Variants in ENOX2 observed in about 807,000 individuals in gnomAD.
The protein encoded by ENOX2 is ecto-NOX disulfide-thiol exchanger 2.
A neutral mutation model predicts 45.0 loss-of-function variants in ENOX2; 36 were observed. That is an observed-to-expected ratio of 0.80 (90% CI 0.61 to 1.06). The LOEUF is 1.06. Ranked by LOEUF, ENOX2 falls within the 50% of genes least tolerant of loss-of-function variation. The probability of loss-of-function intolerance (pLI) is 0.00; values close to 1 mark genes in which losing one functional copy is unlikely to be tolerated. For synonymous variants in ENOX2, 174 were observed against 152.3 expected (o/e 1.14, Z -1.05); for missense variants, 423 against 462.5 (o/e 0.91, Z 0.78).
chrX:130,638,201 C>T (rs746444117), intron 10 of ENOX2, among the ~76,000 whole-genome samples: 53 of 108,628 alleles, frequency 4.9e-4, no homozygotes, highest in African/African-American at 1.3e-3. Context: ...CCTGAGTAGC[C>T]GGGACTACAG....
In ENOX2 at chrX:130,903,145, C is replaced by G. The variant is rs1455072898; in HGVS notation, c.-327G>C. 8.9e-6 allele frequency: 1 copy of G among 112,850 alleles called. No homozygotes were observed. The highest frequency in any genetic ancestry group is 3.2e-5 in the African/African-American group (1 of 30,941). The allele number at this position is 112,850 out of a possible 1,213,427, so 9.3% of individuals were successfully genotyped here. Reference sequence around the variant, plus strand: ...TGGGCTCGTAGTGCCCTCGCGGCGCCCCACGCCGCGCCACTCTCTTCCGAA... The same window carrying G: ...TGGGCTCGTAGTGCCCTCGCGGCGCGCCACGCCGCGCCACTCTCTTCCGAA... On this transcript the variant is annotated 5_prime_UTR_variant, in exon 1 of 15. Transcript: ENST00000394363.
At chrX:130,762,696 T>C (rs991283821) in intron 3 of ENOX2, among the ~76,000 whole-genome samples, 1 of 112,458 alleles carries the variant, frequency 8.9e-6, no homozygotes, top group Non-Finnish European at 1.9e-5. Flanking sequence ...ATTCTCGTTT[T>C]ATTCCATTGT....
chrX:130,647,104 G>A (rs975657798), intron 10 of ENOX2, among the ~76,000 whole-genome samples: 1 of 112,027 alleles, frequency 8.9e-6, no homozygotes, highest in African/African-American at 3.3e-5. Context: ...ATACCCTATG[G>A]AGAGCACTGT....
At chrX:130,637,466 T>C (rs1273974165) in intron 10 of ENOX2, 56 bp from the exon 11 acceptor site, 2 of 1,048,603 alleles carry the variant, frequency 1.9e-6, no homozygotes, top group Non-Finnish European at 2.6e-6. Context: ...GTGATTCATC[T>C]GGATATCACA....
chrX:130,861,580 A>T (rs1434479070), intron 2 of ENOX2, among the ~76,000 whole-genome samples: 1 of 111,846 alleles, frequency 8.9e-6, no homozygotes, highest in Non-Finnish European at 1.9e-5. Context: ...AAGTAGTCAA[A>T]CTCATAGAAG....
chrX:130,760,548 G>C (rs964873210), intron 3 of ENOX2, among the ~76,000 whole-genome samples: 3 of 109,535 alleles, frequency 2.7e-5, no homozygotes, highest in Non-Finnish European at 5.7e-5. Flanking sequence ...AGCACTTTAG[G>C]AGGCTGAGGC....
intron 8 of ENOX2, among the ~76,000 whole-genome samples, chrX:130,666,330 T>G (rs941474282): frequency 8.9e-6 from 1 of 111,974 alleles, no homozygotes; most frequent in African/African-American, 3.2e-5. Flanking sequence ...TGGAAAAATA[T>G]AAGTTTTAGG....
intron 2 of ENOX2, among the ~76,000 whole-genome samples, chrX:130,813,261 G>T (rs1006950682): frequency 8.9e-6 from 1 of 111,893 alleles, no homozygotes; most frequent in Non-Finnish European, 1.9e-5. Context: ...TTCAACAAAC[G>T]TGCCAAGAAC....
rs369189919 is a variant in ENOX2, at chrX:130,769,856, G to A, written c.-39+13691C>T. On this transcript the variant is annotated intron_variant, in intron 3 of 14. Coordinates refer to ENST00000394363, the MANE Select transcript of ENOX2 (RefSeq NM_006375.4). ...GTCCTGAGAGCATTTTTAAAAATGC[G>A]ATTAGCAAACTTTTTATTTCTTAGA... is the stretch of plus-strand genomic sequence containing the variant. Among the ~76,000 whole-genome samples, 155 of 112,267 alleles carry A rather than the reference G, an allele frequency of 1.4e-3. 5 individuals carry two copies. The South Asian group carries it at 0.055, about 40-fold the overall frequency.
intron 2 of ENOX2, among the ~76,000 whole-genome samples, chrX:130,816,616 A>T (rs923308466): frequency 2.7e-5 from 3 of 112,155 alleles, no homozygotes; most frequent in Admixed American, 1.9e-4. Context: ...AAACTCACAC[A>T]AAACCGCACA....
At chrX:130,784,077 T>C (rs2076930933) in intron 2 of ENOX2, among the ~76,000 whole-genome samples, 1 of 111,889 alleles carries the variant, frequency 8.9e-6, no homozygotes, top group Admixed American at 9.5e-5. Context: ...ACAAGGTATG[T>C]TGATCTCATG....
At chrX:130,677,021 C>T (rs1190332215) in intron 6 of ENOX2, among the ~76,000 whole-genome samples, 2 of 111,801 alleles carry the variant, frequency 1.8e-5, no homozygotes, top group African/African-American at 6.5e-5. Context: ...GTAAACAAAC[C>T]ACTACTCACT....
intron 4 of ENOX2, among the ~76,000 whole-genome samples, chrX:130,692,531 G>A (rs1265878399): frequency 2.7e-5 from 3 of 110,973 alleles, no homozygotes; most frequent in African/African-American, 9.8e-5. Flanking sequence ...CTCTTGGCAT[G>A]GCCATTGCTG....
chrX:130,833,103 ACT>A (rs1398986077), intron 2 of ENOX2, among the ~76,000 whole-genome samples: 1 of 109,580 alleles, frequency 9.1e-6, no homozygotes, highest in Non-Finnish European at 1.9e-5. Flanking sequence ...CAGGTACTAA[ACT>A]TTCTTGAGTC....
In ENOX2 at chrX:130,682,793, G is replaced by A. The variant is rs150075801; in HGVS notation, c.254-3045C>T. ...TAATAGCATTTGCTGAGATTTAGGG[G>A]TATGCCACCAAGCAGGGCAATGGGC... On this transcript the variant is annotated intron_variant, in intron 5 of 14. Coordinates refer to ENST00000394363, the MANE Select transcript of ENOX2 (RefSeq NM_006375.4). 6.7e-3 allele frequency among the ~76,000 whole-genome samples: 741 copies of A among 110,141 alleles called. 9 individuals carry two copies. The highest frequency in any genetic ancestry group is 0.023 in the African/African-American group (701 of 30,238).
chrX:130,810,919 T>C (rs759900154), intron 2 of ENOX2, among the ~76,000 whole-genome samples: 1 of 111,966 alleles, frequency 8.9e-6, no homozygotes, highest in East Asian at 2.8e-4. Flanking sequence ...GCTCTATGAC[T>C]GCCCCAGCAT....
Position 130,671,299 on chromosome X carries a change from A to G in ENOX2, c.461-1101T>C, listed in dbSNP as rs780278538. 2.7e-5 allele frequency among the ~76,000 whole-genome samples: 3 copies of G among 112,431 alleles called. No homozygotes were observed. The East Asian group carries it at 8.4e-4, about 31-fold the overall frequency. The stretch of plus-strand genomic sequence containing the variant: ...GAAATAATGCTTTTTAAAGAACTGT[A>G]CATAAGACAATGAAGACAGGGATCA... On this transcript the variant is annotated intron_variant, in intron 6 of 14. Coordinates refer to ENST00000394363, the MANE Select transcript of ENOX2 (RefSeq NM_006375.4).
At chrX:130,789,560 T>C (rs972472233) in intron 2 of ENOX2, among the ~76,000 whole-genome samples, 4 of 112,055 alleles carry the variant, frequency 3.6e-5, no homozygotes, top group Non-Finnish European at 7.5e-5. Flanking sequence ...ATCTGATAAA[T>C]TCAAATTAAG....
intron 2 of ENOX2, among the ~76,000 whole-genome samples, chrX:130,806,947 T>C (rs2077311306): frequency 8.9e-6 from 1 of 112,454 alleles, no homozygotes; most frequent in African/African-American, 3.2e-5. Context: ...ACTCCAATTT[T>C]AGTGTTCTAG....
Sources: gnomAD v4.1 joint callset for allele counts (sites outside exome capture counted in the v4.1 genomes callset) on GRCh38, gnomAD v4.1.1 for gene constraint, MANE v1.5 for transcripts, NCBI Gene and HGNC (gene_info 2026-07-23, HGNC 2026-07-21) for gene names.